Variants in FAM135B observed in about 807,000 individuals in gnomAD.
The protein encoded by FAM135B is family with sequence similarity 135 member B.
Under a neutral mutation model 127.7 loss-of-function variants are expected in FAM135B, and 43 were observed. That is an observed-to-expected ratio of 0.34 (90% CI 0.26 to 0.43). The LOEUF (loss-of-function observed/expected upper bound fraction) is 0.43. Ranked by LOEUF, FAM135B falls within the 20% of genes least tolerant of loss-of-function variation. FAM135B has a pLI of 1.00. For missense variants in FAM135B, 1,558 were observed against 1,725.6 expected (o/e 0.90, Z 1.72); for synonymous variants, 670 against 665.1 (o/e 1.01, Z -0.11).
intron 11 of FAM135B, among the ~76,000 whole-genome samples, chr8:138,170,428 G>A (rs563870757): frequency 3.9e-5 from 6 of 152,074 alleles, no homozygotes; most frequent in African/African-American, 1.4e-4. Flanking sequence ...TTCCGTGTTG[G>A]TCAGGCTGGT....
chr8:138,234,192 A>T (rs1487653505), intron 7 of FAM135B, among the ~76,000 whole-genome samples: 2 of 152,186 alleles, frequency 1.3e-5, no homozygotes, highest in South Asian at 2.1e-4. Flanking sequence ...TAAAAAAAAG[A>T]TGTGTTGACA....
intron 1 of FAM135B, among the ~76,000 whole-genome samples, chr8:138,390,148 T>C (rs1832461381): frequency 6.6e-6 from 1 of 152,164 alleles, no homozygotes; most frequent in Non-Finnish European, 1.5e-5. Context: ...ACTCTAATAT[T>C]TCTCTTTGTC....
intron 1 of FAM135B, among the ~76,000 whole-genome samples, chr8:138,494,718 T>C (rs1815320607): frequency 6.6e-6 from 1 of 151,898 alleles, no homozygotes; most frequent in African/African-American, 2.4e-5. Context: ...AAATATTTGG[T>C]AAACACCTGA....
chr8:138,375,960 G>A (rs1447937591), intron 1 of FAM135B, among the ~76,000 whole-genome samples: 1 of 152,090 alleles, frequency 6.6e-6, no homozygotes, highest in Non-Finnish European at 1.5e-5. Flanking sequence ...GGCATCAACT[G>A]GGTTCAGCCT....
chr8:138,362,908 G>T (rs755776171), intron 2 of FAM135B, among the ~76,000 whole-genome samples: 2 of 152,100 alleles, frequency 1.3e-5, no homozygotes, highest in Non-Finnish European at 2.9e-5. Context: ...AGTGTCCTTG[G>T]GAATGAGTAG....
chr8:138,218,766 C>CACACAGAG (rs1469155017), intron 7 of FAM135B, among the ~76,000 whole-genome samples: 8 of 80,496 alleles, frequency 9.9e-5, no homozygotes, highest in African/African-American at 3.2e-4. Context: ...CACACACACA[C>CACACAGAG]AGAGAGAGAG....
chr8:138,273,803 A>G (rs944281710), intron 3 of FAM135B, among the ~76,000 whole-genome samples: 2 of 152,036 alleles, frequency 1.3e-5, no homozygotes, highest in African/African-American at 4.8e-5. Flanking sequence ...CTCCTCCTGC[A>G]CTTCCCACCT....
At chr8:138,414,510 G>T (rs1834035823) in intron 1 of FAM135B, among the ~76,000 whole-genome samples, 1 of 152,138 alleles carries the variant, frequency 6.6e-6, no homozygotes. Flanking sequence ...CATAAGAAGA[G>T]AATAGTTTAT....
At chr8:138,199,907 T>C (rs1461943633) in intron 7 of FAM135B, among the ~76,000 whole-genome samples, 1 of 152,170 alleles carries the variant, frequency 6.6e-6, no homozygotes, top group Admixed American at 6.5e-5. Context: ...GGGATTACAG[T>C]TCGAGATCAG....
chr8:138,178,512 A>G, intron 10 of FAM135B, 23 bp downstream of exon 10: 1 of 1,612,548 alleles, frequency 6.2e-7, no homozygotes, highest in Non-Finnish European at 8.5e-7. Flanking sequence ...TGATCAGAGA[A>G]TGCACAGCAG....
chr8:138,183,232 T>C (rs981065329), intron 9 of FAM135B, among the ~76,000 whole-genome samples: 2 of 152,234 alleles, frequency 1.3e-5, no homozygotes, highest in Non-Finnish European at 2.9e-5. Flanking sequence ...TTAATCCTTA[T>C]AGTAATCCTA....
chr8:138,325,109 C>A (rs1827710983), intron 2 of FAM135B, among the ~76,000 whole-genome samples: 1 of 100,926 alleles, frequency 9.9e-6, no homozygotes, highest in African/African-American at 4.1e-5. Flanking sequence ...CCCTAGAAAT[C>A]ATTAACCCCC....
intron 3 of FAM135B, among the ~76,000 whole-genome samples, chr8:138,274,050 A>C (rs1823610263): frequency 6.6e-6 from 1 of 152,162 alleles, no homozygotes; most frequent in Admixed American, 6.5e-5. Context: ...CCAGTACAGA[A>C]CCTTTGATTA....
intron 9 of FAM135B, among the ~76,000 whole-genome samples, chr8:138,179,139 C>T (rs149419056): frequency 4.9e-4 from 74 of 152,258 alleles, no homozygotes; most frequent in Middle Eastern, 3.4e-3. Flanking sequence ...CTAATCCCAT[C>T]ACCACAAAAC....
Position 138,152,117 on chromosome 8 carries a change from C to T in FAM135B, c.2358G>A (p.Ala786=), listed in dbSNP as rs182844278. The T allele has an allele frequency of 5.1e-4, 827 of 1,613,816 alleles. 5 individuals carry two copies. The Middle Eastern group carries it at 6.6e-3, about 13-fold the overall frequency. ...ISSPEEAAED[A]DTKQQDGGFA... ...AACCTCCATCTTGCTGCTTGGTGTC[C>T]GCATCTTCAGCAGCCTCCTCTGGGC... The change falls in exon 13 of 20, where the codon GCG becomes GCA. Residue 786 remains alanine (A), a synonymous_variant. Coordinates refer to ENST00000395297, the MANE Select transcript of FAM135B (RefSeq NM_015912.4).
At chr8:138,226,553 T>G (rs987098899) in intron 7 of FAM135B, among the ~76,000 whole-genome samples, 3 of 151,604 alleles carry the variant, frequency 2.0e-5, no homozygotes, top group Admixed American at 1.3e-4. Context: ...TCAGGGCTTT[T>G]TGTGTGTGTT....
chr8:138,441,042 A>G (rs1428321501), intron 1 of FAM135B: 5 of 152,244 alleles, frequency 3.3e-5, no homozygotes, highest in Non-Finnish European at 7.3e-5. Flanking sequence ...GAGTGAAGTC[A>G]TCGTAGACCC....
Position 138,331,676 on chromosome 8 carries a change from C to A in FAM135B, c.78-20756G>T, listed in dbSNP as rs73720106. On this transcript the variant is annotated intron_variant, in intron 2 of 19. Transcript: ENST00000395297. ...AATTAGTGGAGGACTGAAATAAAGT[C>A]TTTTCTCTGGGGTGAACAGTAGCAT... Among the ~76,000 whole-genome samples, 499 of 152,290 alleles carry A rather than the reference C, an allele frequency of 3.3e-3. 3 individuals carry two copies. Among genetic ancestry groups the A allele is most frequent in the African/African-American group, 0.012 (481 of 41,574 alleles).
chr8:138,164,203 AG>A (rs1287321825), intron 12 of FAM135B, among the ~76,000 whole-genome samples: 2 of 152,318 alleles, frequency 1.3e-5, no homozygotes, highest in Non-Finnish European at 2.9e-5. Flanking sequence ...TGAGAGATCA[AG>A]GAGTTCAAGA....
Sources: gnomAD v4.1 joint callset for allele counts (sites outside exome capture counted in the v4.1 genomes callset) on GRCh38, gnomAD v4.1.1 for gene constraint, MANE v1.5 for transcripts, NCBI Gene and HGNC (gene_info 2026-07-23, HGNC 2026-07-21) for gene names.